Variants in DPP10 observed in about 807,000 individuals in gnomAD.
DPP10 encodes the protein dipeptidyl peptidase like 10, also known as inactive dipeptidyl peptidase 10.
A neutral mutation model predicts 120.9 loss-of-function variants in DPP10; 33 were observed. The observed-to-expected ratio is 0.27, with a 90% CI of 0.21 to 0.37. DPP10 has a LOEUF of 0.37. DPP10 is among the 10% of genes least tolerant of loss of function. The pLI is 1.00. For synonymous variants in DPP10, 337 were observed against 326.1 expected, an observed-to-expected ratio of 1.03 and a Z score of -0.36; for missense variants, 816 against 942.8, an observed-to-expected ratio of 0.87 and a Z score of 1.76.
chr2:114,476,238 A>C (rs1213654889), intron 1 of DPP10, among the ~76,000 whole-genome samples: 2 of 152,168 alleles, frequency 1.3e-5, no homozygotes, highest in Non-Finnish European at 2.9e-5. Context: ...TATCATTCTT[A>C]AGTACAGAAC....
intron 9 of DPP10, 110 bp downstream of exon 9, chr2:115,740,003 T>G (rs1474347813): frequency 8.0e-7 from 1 of 1,244,380 alleles, no homozygotes; most frequent in Non-Finnish European, 1.1e-6. Context: ...AAACAGAAGT[T>G]TTCCTTACTT....
intron 1 of DPP10, chr2:115,161,677 T>G: frequency 3.0e-6 from 1 of 329,446 alleles, no homozygotes; most frequent in East Asian, 5.0e-5. Context: ...AACTTGCCGC[T>G]TGGTCTCGCC....
chr2:115,758,383 A>T (rs1222715595), intron 11 of DPP10, among the ~76,000 whole-genome samples: 1 of 152,138 alleles, frequency 6.6e-6, no homozygotes, highest in Non-Finnish European at 1.5e-5. Context: ...ATACACAATT[A>T]TAAACTTAAC....
chr2:114,794,522 G>A (rs561262871), intron 1 of DPP10, among the ~76,000 whole-genome samples: 2 of 152,248 alleles, frequency 1.3e-5, no homozygotes, highest in African/African-American at 4.8e-5. Flanking sequence ...GACATTTTGG[G>A]GGTGACGTTC....
intron 1 of DPP10, among the ~76,000 whole-genome samples, chr2:114,720,581 C>T (rs557286216): frequency 9.2e-5 from 14 of 152,166 alleles, no homozygotes; most frequent in Non-Finnish European, 1.0e-4. Context: ...TTGTCTTCTA[C>T]AATTTCCACC....
chr2:114,748,348 TTTA>T (rs1333297909), intron 1 of DPP10, among the ~76,000 whole-genome samples: 32 of 122,128 alleles, frequency 2.6e-4, no homozygotes, highest in African/African-American at 9.6e-4. Flanking sequence ...CTTTTTTTTT[TTTA>T]TTTTTTTTTA....
chr2:115,309,421 T>G, intron 2 of DPP10, 68 bp downstream of exon 2: 1 of 1,470,674 alleles, frequency 6.8e-7, no homozygotes, highest in Non-Finnish European at 9.5e-7. Flanking sequence ...TTCAAATGCC[T>G]TAAGAGGGTA....
At chr2:115,763,047 A>G (rs1680300104) in intron 12 of DPP10, among the ~76,000 whole-genome samples, 2 of 152,194 alleles carry the variant, frequency 1.3e-5, no homozygotes, top group Non-Finnish European at 2.9e-5. Flanking sequence ...TGTGACATAA[A>G]TGAGGCTGGA....
At chr2:114,511,620 A>G (rs1052758616) in intron 1 of DPP10, among the ~76,000 whole-genome samples, 3 of 152,210 alleles carry the variant, frequency 2.0e-5, no homozygotes, top group East Asian at 1.9e-4. Context: ...CAAGATCTCA[A>G]CTGAGCTTCT....
intron 1 of DPP10, among the ~76,000 whole-genome samples, chr2:114,566,644 T>C (rs955882443): frequency 6.6e-6 from 1 of 152,204 alleles, no homozygotes; most frequent in African/African-American, 2.4e-5. Context: ...TGAATGCTAT[T>C]TCCGTGTACC....
At chr2:115,061,257 T>G (rs1706375034) in intron 1 of DPP10, among the ~76,000 whole-genome samples, 1 of 152,220 alleles carries the variant, frequency 6.6e-6, no homozygotes, top group South Asian at 2.1e-4. Context: ...TGGGATCTTC[T>G]GGGAAAACTT....
chr2:115,285,581 G>A (rs2060331600), intron 1 of DPP10, among the ~76,000 whole-genome samples: 1 of 152,054 alleles, frequency 6.6e-6, no homozygotes, highest in Admixed American at 6.6e-5. Flanking sequence ...AAGCATGTAA[G>A]CAGTACCACA....
At chr2:115,433,743 CCATT>C (rs2104798635) in intron 3 of DPP10, among the ~76,000 whole-genome samples, 1 of 151,972 alleles carries the variant, frequency 6.6e-6, no homozygotes, top group East Asian at 1.9e-4. Context: ...TTTAAAAACT[CCATT>C]TATTTCCTTA....
At chr2:114,815,063 C>T (rs1184242885) in intron 1 of DPP10, among the ~76,000 whole-genome samples, 1 of 152,198 alleles carries the variant, frequency 6.6e-6, no homozygotes, top group African/African-American at 2.4e-5. Context: ...TGCTCCCTCT[C>T]ACTTCAATGC....
chr2:115,062,128 C>CTGTG (rs61413782), intron 1 of DPP10, among the ~76,000 whole-genome samples: 11 of 143,880 alleles, frequency 7.6e-5, no homozygotes, highest in African/African-American at 2.8e-4. Context: ...GATTACAGTT[C>CTGTG]TGTGTGTGTG....
chr2:115,269,402 C>T (rs1322908416), intron 1 of DPP10, among the ~76,000 whole-genome samples: 2 of 152,114 alleles, frequency 1.3e-5, no homozygotes, highest in African/African-American at 2.4e-5. Flanking sequence ...TCTCACAGTT[C>T]CTTTGACTAG....
At chr2:115,244,216 G>GTATATATA (rs377701662) in intron 1 of DPP10, among the ~76,000 whole-genome samples, 17 of 119,836 alleles carry the variant, frequency 1.4e-4, no homozygotes, top group Admixed American at 9.7e-4. Flanking sequence ...ATATGTGTGT[G>GTATATATA]TATATATATA....
chr2:114,718,906 T>C (rs1248142422), intron 1 of DPP10, among the ~76,000 whole-genome samples: 2 of 152,184 alleles, frequency 1.3e-5, no homozygotes, highest in East Asian at 3.9e-4. Flanking sequence ...ATCATCAGCA[T>C]TGGTAGTGAC....
chr2:115,796,529 G>C (rs1198901957), intron 19 of DPP10, among the ~76,000 whole-genome samples: 1 of 152,116 alleles, frequency 6.6e-6, no homozygotes, highest in Non-Finnish European at 1.5e-5. Context: ...TAAATGATTT[G>C]TGAGTTTATA....
Sources: allele counts gnomAD v4.1 joint callset (sites outside exome capture counted in the v4.1 genomes callset), GRCh38; gene constraint gnomAD v4.1.1; transcripts MANE v1.5; gene names NCBI Gene and HGNC (gene_info 2026-07-23, HGNC 2026-07-21).